Variants in SPATC1L observed in about 807,000 individuals in gnomAD.
The protein encoded by SPATC1L is spermatogenesis and centriole associated 1 like.
SPATC1L carries 20 observed loss-of-function variants against 21.2 expected under a neutral mutation model. That is an observed-to-expected ratio of 0.94 (90% CI 0.66 to 1.37). The LOEUF is 1.37. Among genes scored for constraint, SPATC1L ranks in the 40% most tolerant of loss-of-function variants. The pLI is 0.00. For synonymous variants in SPATC1L, 290 were observed against 234.5 expected (o/e 1.24, Z -2.16); for missense variants, 499 against 478.7 (o/e 1.04, Z -0.40).
intron 3 of SPATC1L, 55 bp from the exon 4 acceptor site, chr21:46,162,122 T>G (rs2079503478): frequency 6.7e-7 from 1 of 1,491,928 alleles, no homozygotes; most frequent in Admixed American, 2.1e-5. Context: ...TCCACTGCCC[T>G]CGAGGGTGCC....
intron 2 of SPATC1L, among the ~76,000 whole-genome samples, chr21:46,178,876 G>A (rs561546893): frequency 1.3e-4 from 20 of 150,954 alleles, no homozygotes; most frequent in Admixed American, 2.6e-4. Flanking sequence ...AACAGAGCCA[G>A]ACTGTGTCTC....
intron 2 of SPATC1L, among the ~76,000 whole-genome samples, chr21:46,170,098 T>C (rs28478400): frequency 0.45 from 12,724 of 28,178 alleles, 566 homozygotes; most frequent in Middle Eastern, 0.5. Flanking sequence ...GCCTCCTGCT[T>C]TGTGAGCATC....
At chr21:46,162,994 C>T (rs1449032950) in intron 3 of SPATC1L, among the ~76,000 whole-genome samples, 4 of 151,506 alleles carry the variant, frequency 2.6e-5, no homozygotes, top group Admixed American at 2.0e-4. Context: ...TGATGGCATC[C>T]GAGTCCGTAA....
chr21:46,182,675 G>A lies in SPATC1L; in HGVS notation c.142C>T (p.Leu48Phe). Residue 48 changes from leucine to phenylalanine, a missense_variant, in exon 2 of 5, where the codon CTC becomes TTC. By Grantham distance (22) the Leu-to-Phe change is conservative. Transcript: ENST00000291672. ...GGGTAGGCATGCGCCCTGGGTGGGA[G>A]CAGGTCGTGGCCGCCGCCCTCCTGG... ...SCQEGGGHDLLPPRAHAYPEA... is the reference protein window; with the variant it reads ...SCQEGGGHDLFPPRAHAYPEA... 9 of 1,541,532 alleles carry A rather than the reference G, an allele frequency of 5.8e-6. No homozygotes were observed. The highest frequency in any genetic ancestry group is 6.1e-6 in the Non-Finnish European group (7 of 1,146,178).
chr21:46,178,604 T>C (rs1490218488), intron 2 of SPATC1L, among the ~76,000 whole-genome samples: 2 of 152,094 alleles, frequency 1.3e-5, no homozygotes, highest in East Asian at 1.9e-4. Context: ...AAGAAATACA[T>C]GGCCAGGTGC....
rs56293013 is a variant in SPATC1L at position 46,183,499 on chromosome 21, A to C, written c.-683T>G. The C allele has an allele frequency of 9.4e-6, 1 of 106,606 alleles. No homozygotes were observed. The highest frequency in any genetic ancestry group is 3.4e-5 in the African/African-American group (1 of 29,216). The allele number at this position is 106,606 out of a possible 1,614,324, so 6.6% of individuals were successfully genotyped here. A position where few individuals can be genotyped will look rare whatever the true frequency, so the allele number is the denominator to read the frequency against. Reference sequence around the variant, plus strand: ...CAGCCTGGGGAGGAGACCAGCCTGCAGGGGAGACCAGCTTGCGGGGGAGAC... The same window carrying C: ...CAGCCTGGGGAGGAGACCAGCCTGCCGGGGAGACCAGCTTGCGGGGGAGAC... On this transcript the variant is annotated 5_prime_UTR_variant, in exon 2 of 5. Coordinates refer to ENST00000291672, the MANE Select transcript of SPATC1L (RefSeq NM_001142854.2).
chr21:46,178,920 C>A (rs1033427211), intron 2 of SPATC1L, among the ~76,000 whole-genome samples: 1 of 151,724 alleles, frequency 6.6e-6, no homozygotes, highest in Non-Finnish European at 1.5e-5. Context: ...TTTACTCCTG[C>A]CTTCTGAATC....
At chr21:46,182,398 C>A (rs2079681193) in intron 2 of SPATC1L, among the ~76,000 whole-genome samples, 3 of 152,244 alleles carry the variant, frequency 2.0e-5, no homozygotes. Flanking sequence ...CACCTGCCAG[C>A]GGTTGACCAC....
chr21:46,179,530 T>C (rs545110165), intron 2 of SPATC1L, among the ~76,000 whole-genome samples: 1 of 152,298 alleles, frequency 6.6e-6, no homozygotes, highest in South Asian at 2.1e-4. Context: ...TACATTGTGG[T>C]TCATCCGAAT....
chr21:46,181,463 T>G (rs536823096), intron 2 of SPATC1L, among the ~76,000 whole-genome samples: 3 of 152,318 alleles, frequency 2.0e-5, no homozygotes, highest in African/African-American at 7.2e-5. Context: ...TTCCCCTCTT[T>G]GCTTCCAGAC....
intron 2 of SPATC1L, among the ~76,000 whole-genome samples, chr21:46,180,685 A>G (rs1026868652): frequency 1.3e-5 from 2 of 152,206 alleles, no homozygotes; most frequent in Admixed American, 6.5e-5. Context: ...TCCCAAGCAC[A>G]TGCTGAGGCC....
Position 46,161,911 on chromosome 21 carries a change from C to T in SPATC1L, c.696+5G>A, listed in dbSNP as rs756120364. On this transcript the variant is annotated splice_donor_5th_base_variant and intron_variant, in intron 4 of 4. Coordinates refer to ENST00000291672, the MANE Select transcript of SPATC1L (RefSeq NM_001142854.2). ...TCCTGGCCGCGCCCTCCCCACGGGG[C>T]GCACCTGCTCGATCTTCTCGGGGAT... 3.1e-6 allele frequency: 5 copies of T among 1,604,718 alleles called. 1 individual carries two copies. In the South Asian group the frequency reaches 3.3e-5, roughly 11 times the overall value.
chr21:46,170,722 G>A (rs112928352), intron 2 of SPATC1L, among the ~76,000 whole-genome samples: 1 of 132,048 alleles, frequency 7.6e-6, no homozygotes, highest in African/African-American at 3.4e-5. Context: ...GGAGCCTCCT[G>A]CTCTGTGAGC....
intron 3 of SPATC1L, 37 bp from the exon 4 acceptor site, chr21:46,162,104 C>A (rs1265711226): frequency 2.6e-6 from 4 of 1,524,874 alleles, no homozygotes; most frequent in East Asian, 2.4e-5. Context: ...GTCAGGGGAG[C>A]GCGAGGATCC....
chr21:46,175,697 G>T (rs1034651183), intron 2 of SPATC1L, among the ~76,000 whole-genome samples: 1 of 152,186 alleles, frequency 6.6e-6, no homozygotes, highest in Non-Finnish European at 1.5e-5. Flanking sequence ...GCCAGGACCA[G>T]ATGGATTCAC....
chr21:46,161,371 G>C lies in SPATC1L; in HGVS notation c.*8C>G, dbSNP rs775830808. Reference sequence around the variant, plus strand: ...TTACTGCAGGCAAGGCGGCGGGCGCGGGGCGGCTCACCAGGCGAAGAGGGG... The same window carrying C: ...TTACTGCAGGCAAGGCGGCGGGCGCCGGGCGGCTCACCAGGCGAAGAGGGG... On this transcript the variant is annotated 3_prime_UTR_variant, in exon 5 of 5. Transcript: ENST00000291672. The C allele has an allele frequency of 2.0e-6, 3 of 1,504,466 alleles. No individual in the cohort carries two copies. The highest frequency in any genetic ancestry group is 2.3e-5 in the East Asian group (1 of 43,324). 93.2% of individuals were successfully genotyped at this position (1,504,466 alleles called of 1,614,324 possible). A position where few individuals can be genotyped will look rare whatever the true frequency, so the allele number is the denominator to read the frequency against.
intron 2 of SPATC1L, 91 bp from the exon 3 acceptor site, chr21:46,168,749 AC>A: frequency 1.2e-6 from 1 of 817,112 alleles, no homozygotes; most frequent in Non-Finnish European, 1.7e-6. Context: ...ACCCCTATGC[AC>A]CCCACCCCAA....
Position 46,162,035 on chromosome 21 carries a change from C to G in SPATC1L, c.577G>C (p.Ala193Pro), listed in dbSNP as rs113146399. The change falls in exon 4 of 5, where the codon GCG (alanine) becomes CCG (proline). Residue 193 changes from alanine (A) to proline (P), a missense_variant. Physicochemically the swap from Ala to Pro is conservative, Grantham distance 27. Coordinates refer to ENST00000291672, the MANE Select transcript of SPATC1L (RefSeq NM_001142854.2). The part of the protein sequence containing the change: ...IQSFAGAEKD[A>P]RVVGEIAFQL... ...AAGGCGATCTCGCCCACCACGCGCG[C>G]GTCCTTCTCGGCGCCCGCGAAGCTC... is the stretch of plus-strand genomic sequence containing the variant. The G allele has an allele frequency of 1.9e-6, 3 of 1,589,406 alleles. No individual in the cohort carries two copies. In the African/African-American group the frequency reaches 4.0e-5, roughly 21 times the overall value.
chr21:46,161,197 C>G lies in SPATC1L; in HGVS notation c.*182G>C. On this transcript the variant is annotated 3_prime_UTR_variant, in exon 5 of 5. Transcript: ENST00000291672. ...ATTTTAATGAGGGGTGAGAAGCACT[C>G]CGCAGGTGCGGGCAGCGGCGGGCTG... The G allele has an allele frequency of 2.0e-6, 1 of 500,820 alleles. No homozygotes were observed. Among genetic ancestry groups the G allele is most frequent in the Non-Finnish European group, 3.4e-6 (1 of 297,606 alleles). 31.0% of individuals were successfully genotyped at this position (500,820 alleles called of 1,614,324 possible). A position where few individuals can be genotyped will look rare whatever the true frequency, so the allele number is the denominator to read the frequency against.
Sources: allele counts gnomAD v4.1 joint callset (sites outside exome capture counted in the v4.1 genomes callset), GRCh38; gene constraint gnomAD v4.1.1; transcripts MANE v1.5; gene names NCBI Gene and HGNC (gene_info 2026-07-23, HGNC 2026-07-21).